Variants in CDH18 observed in about 807,000 individuals in gnomAD.
The protein encoded by CDH18 is cadherin-18.
Under a neutral mutation model 67.9 loss-of-function variants are expected in CDH18, and 31 were observed. The observed-to-expected ratio is 0.46, with a 90% CI of 0.34 to 0.62. The LOEUF (loss-of-function observed/expected upper bound fraction) is 0.62. Among genes scored for constraint, CDH18 ranks in the 20% least tolerant of loss-of-function variants. The probability of loss-of-function intolerance (pLI) is 0.01; values close to 1 mark genes in which losing one functional copy is unlikely to be tolerated. For missense variants in CDH18, 890 were observed against 975.5 expected (o/e 0.91, Z 1.17); for synonymous variants, 362 against 347.2 (o/e 1.04, Z -0.48).
chr5:20,520,523 A>G (rs1303788193), intron 1 of CDH18, among the ~76,000 whole-genome samples: 3 of 152,128 alleles, frequency 2.0e-5, no homozygotes, highest in Non-Finnish European at 4.4e-5. Flanking sequence ...TGAGAATGGG[A>G]TGGATAGAAC....
intron 1 of CDH18, among the ~76,000 whole-genome samples, chr5:20,330,075 AT>A (rs1426974379): frequency 1.3e-5 from 2 of 152,126 alleles, no homozygotes; most frequent in Non-Finnish European, 2.9e-5. Flanking sequence ...AAAGTAAAAA[AT>A]ATATGTTTTA....
intron 3 of CDH18, among the ~76,000 whole-genome samples, chr5:19,784,998 G>T (rs1172146938): frequency 6.6e-6 from 1 of 152,020 alleles, no homozygotes; most frequent in Non-Finnish European, 1.5e-5. Flanking sequence ...GTAAGCTTCT[G>T]TCCCCCAGTC....
At chr5:19,774,264 G>C (rs544164387) in intron 3 of CDH18, among the ~76,000 whole-genome samples, 2 of 151,728 alleles carry the variant, frequency 1.3e-5, no homozygotes, top group East Asian at 1.9e-4. Context: ...TTATATTAAG[G>C]GGGGCTGGGC....
At chr5:19,664,214 A>T (rs1344157306) in intron 5 of CDH18, among the ~76,000 whole-genome samples, 1 of 151,900 alleles carries the variant, frequency 6.6e-6, no homozygotes, top group African/African-American at 2.4e-5. Flanking sequence ...AATTTGTTCC[A>T]GAGAAAATAA....
At position 20,189,223 on chromosome 5, in the gene CDH18, C is replaced by G. The variant is rs150495837; in HGVS notation, c.-518+66221G>C. Among the ~76,000 whole-genome samples, 1,405 of 152,090 alleles carry G rather than the reference C, an allele frequency of 9.2e-3. 24 individuals carry two copies. Among genetic ancestry groups the G allele is most frequent in the African/African-American group, 0.032 (1,336 of 41,508 alleles). Reference sequence around the variant, plus strand: ...TTGGAGCTTAATGATAACCCTCTTCCTCTTCAGGTATACTTCTTCTTTACT... The same window carrying G: ...TTGGAGCTTAATGATAACCCTCTTCGTCTTCAGGTATACTTCTTCTTTACT... On this transcript the variant is annotated intron_variant, in intron 2 of 14. Coordinates refer to the CDH18 transcript ENST00000507958.
intron 3 of CDH18, among the ~76,000 whole-genome samples, chr5:19,816,298 G>A (rs78537747): frequency 0.024 from 3,668 of 151,816 alleles, 59 homozygotes; most frequent in Middle Eastern, 0.045. Flanking sequence ...TAAACATAGA[G>A]TTTCTTAATT....
At chr5:20,552,067 A>G (rs1003534505) in intron 1 of CDH18, among the ~76,000 whole-genome samples, 4 of 152,128 alleles carry the variant, frequency 2.6e-5, no homozygotes, top group Non-Finnish European at 5.9e-5. Flanking sequence ...TTCAAGAAAC[A>G]TCATACAATA....
At chr5:19,893,306 T>G (rs991840186) in intron 2 of CDH18, among the ~76,000 whole-genome samples, 1 of 152,200 alleles carries the variant, frequency 6.6e-6, no homozygotes, top group Admixed American at 6.6e-5. Flanking sequence ...TAAAATATAT[T>G]TGTGTATGTT....
chr5:19,687,619 C>A (rs551305377), intron 5 of CDH18, among the ~76,000 whole-genome samples: 2 of 152,292 alleles, frequency 1.3e-5, no homozygotes, highest in African/African-American at 4.8e-5. Flanking sequence ...CCTCCACCAG[C>A]AGTGGCAGGG....
At chr5:20,539,495 G>A (rs181515830) in intron 1 of CDH18, among the ~76,000 whole-genome samples, 48 of 152,008 alleles carry the variant, frequency 3.2e-4, no homozygotes, top group South Asian at 2.9e-3. Context: ...TCAGAAGACC[G>A]TACGCAATAT....
chr5:20,360,835 T>C (rs904640597), intron 1 of CDH18, among the ~76,000 whole-genome samples: 5 of 152,174 alleles, frequency 3.3e-5, no homozygotes, highest in African/African-American at 1.2e-4. Context: ...CTAATTTTTT[T>C]TCAATTAGGA....
chr5:20,561,064 T>C (rs189982864), intron 1 of CDH18, among the ~76,000 whole-genome samples: 1 of 152,230 alleles, frequency 6.6e-6, no homozygotes, highest in African/African-American at 2.4e-5. Context: ...GATACTGCTA[T>C]ACATGTGCTA....
chr5:19,598,176 A>G (rs1746475054), intron 6 of CDH18, among the ~76,000 whole-genome samples: 1 of 152,154 alleles, frequency 6.6e-6, no homozygotes, highest in South Asian at 2.1e-4. Context: ...CAGTTTCATT[A>G]CAGACTTATC....
intron 11 of CDH18, among the ~76,000 whole-genome samples, chr5:19,501,623 A>G (rs531200108): frequency 6.6e-6 from 1 of 152,132 alleles, no homozygotes; most frequent in African/African-American, 2.4e-5. Flanking sequence ...TGAATTGAAC[A>G]CATCTTCAAA....
chr5:19,677,536 C>T lies in CDH18; in HGVS notation c.643+43811G>A, dbSNP rs553559669. 1.2e-3 allele frequency among the ~76,000 whole-genome samples: 189 copies of T among 152,016 alleles called. 1 individual carries two copies. The highest frequency in any genetic ancestry group is 4.4e-3 in the African/African-American group (182 of 41,500). On this transcript the variant is annotated intron_variant, in intron 5 of 12. Transcript: ENST00000382275. ...GTATAACAAACAGCTAACAACACAA[C>T]GGCAGTATCAAAGCCACACATGCCA...
intron 5 of CDH18, among the ~76,000 whole-genome samples, chr5:19,666,479 A>T (rs1362346513): frequency 2.0e-5 from 3 of 151,936 alleles, no homozygotes; most frequent in Non-Finnish European, 4.4e-5. Context: ...CCTGATGTCC[A>T]TCCTGGGGGA....
intron 7 of CDH18, among the ~76,000 whole-genome samples, chr5:19,580,508 C>A (rs934314620): frequency 1.3e-5 from 2 of 151,938 alleles, no homozygotes. Flanking sequence ...CTTTCTCCAT[C>A]TCAAATACAG....
intron 1 of CDH18, among the ~76,000 whole-genome samples, chr5:20,490,231 T>C (rs771634498): frequency 1.3e-4 from 20 of 152,178 alleles, no homozygotes; most frequent in Non-Finnish European, 2.8e-4. Context: ...GCTTTACAGA[T>C]TTATGGCAAA....
chr5:19,587,369 C>T lies in CDH18; in HGVS notation c.999+3688G>A, dbSNP rs554408538. Among the ~76,000 whole-genome samples the T allele has an allele frequency of 1.7e-4, 26 of 152,214 alleles. No individual in the cohort carries two copies. In the South Asian group the frequency reaches 4.3e-3, roughly 25 times the overall value. On this transcript the variant is annotated intron_variant, in intron 7 of 12. Transcript: ENST00000382275. The stretch of plus-strand genomic sequence containing the variant: ...TTCGTCATGATATCTTTGCCTGTGC[C>T]TATGTCCTGAAAGGTAATACGTAGG...
Sources: allele counts gnomAD v4.1 joint callset (sites outside exome capture counted in the v4.1 genomes callset), GRCh38; gene constraint gnomAD v4.1.1; transcripts MANE v1.5; gene names NCBI Gene and HGNC (gene_info 2026-07-23, HGNC 2026-07-21).